HECW1: variants seen among roughly 807,000 people sequenced by gnomAD.
The protein encoded by HECW1 is HECT, C2 and WW domain containing E3 ubiquitin protein ligase 1.
A neutral mutation model predicts 182.3 loss-of-function variants in HECW1; 61 were observed. The observed-to-expected ratio is 0.33, with a 90% confidence interval of 0.27 to 0.41. The LOEUF is 0.41. HECW1 is among the 10% of genes least tolerant of loss of function. HECW1 has a pLI of 1.00. For synonymous variants in HECW1, 859 were observed against 832.6 expected, an observed-to-expected ratio of 1.03 and a Z score of -0.55; for missense variants, 1,739 against 2,108.9, an observed-to-expected ratio of 0.82 and a Z score of 3.44.
At chr7:43,464,988 G>C (rs575935902) in intron 14 of HECW1, among the ~76,000 whole-genome samples, 1 of 151,920 alleles carries the variant, frequency 6.6e-6, no homozygotes, top group Admixed American at 6.6e-5. Context: ...TTTTTGTAGA[G>C]ACAGAGTCTT....
At chr7:43,467,444 G>T (rs184726733) in intron 15 of HECW1, among the ~76,000 whole-genome samples, 311 of 152,246 alleles carry the variant, frequency 2.0e-3, no homozygotes, top group Non-Finnish European at 3.6e-3. Flanking sequence ...AGGGAGAGGG[G>T]AGGAGGGGCT....
At chr7:43,247,177 G>A (rs1390377082) in intron 3 of HECW1, among the ~76,000 whole-genome samples, 1 of 152,192 alleles carries the variant, frequency 6.6e-6, no homozygotes, top group Admixed American at 6.5e-5. Flanking sequence ...GCCAAGGTGT[G>A]ATCCTTTGGT....
intron 2 of HECW1, among the ~76,000 whole-genome samples, chr7:43,135,882 ATTAAG>A (rs755716556): frequency 9.2e-5 from 14 of 152,002 alleles, no homozygotes; most frequent in South Asian, 2.1e-4. Context: ...TAAAATCAAG[ATTAAG>A]TTATTTTTCA....
intron 2 of HECW1, among the ~76,000 whole-genome samples, chr7:43,122,815 A>G (rs1181147717): frequency 1.3e-5 from 2 of 152,346 alleles, no homozygotes; most frequent in East Asian, 3.9e-4. Flanking sequence ...CTATATATCT[A>G]TACACAAATA....
rs7798517 is a variant in HECW1, at chr7:43,115,443, A to G, written c.-32+1052A>G. Among the ~76,000 whole-genome samples the G allele has an allele frequency of 2.9e-3, 446 of 152,216 alleles. 2 individuals are homozygous for G. The highest frequency in any genetic ancestry group is 0.01 in the African/African-American group (433 of 41,516). ...CCCCATCTTAGATAATTGAGAATTCACTTTTTCCAATCATTGGTTTTTGTT... is the reference window on the plus strand; with the variant it reads ...CCCCATCTTAGATAATTGAGAATTCGCTTTTTCCAATCATTGGTTTTTGTT... On this transcript the variant is annotated intron_variant, in intron 2 of 29. Transcript: ENST00000395891.
At chr7:43,306,777 A>G (rs932966630) in intron 3 of HECW1, among the ~76,000 whole-genome samples, 2 of 152,018 alleles carry the variant, frequency 1.3e-5, no homozygotes, top group South Asian at 4.1e-4. Flanking sequence ...TTTTGTCTCC[A>G]GGTTCTTAAA....
chr7:43,234,536 C>G (rs1036579239), intron 2 of HECW1, among the ~76,000 whole-genome samples: 3 of 152,146 alleles, frequency 2.0e-5, no homozygotes, highest in Non-Finnish European at 4.4e-5. Context: ...AATATTCTTC[C>G]CTTGGGCAGG....
At chr7:43,368,367 A>G (rs1816903511) in intron 6 of HECW1, among the ~76,000 whole-genome samples, 1 of 152,198 alleles carries the variant, frequency 6.6e-6, no homozygotes, top group Non-Finnish European at 1.5e-5. Flanking sequence ...CAAGCCTTTT[A>G]TTTCTTGTAA....
At chr7:43,361,394 G>T (rs1815893611) in intron 6 of HECW1, among the ~76,000 whole-genome samples, 3 of 151,918 alleles carry the variant, frequency 2.0e-5, no homozygotes, top group Admixed American at 1.3e-4. Flanking sequence ...TAAATTAATG[G>T]AGTAGGATTT....
chr7:43,125,757 TAA>T (rs57874835), intron 2 of HECW1, among the ~76,000 whole-genome samples: 25 of 86,540 alleles, frequency 2.9e-4, no homozygotes, highest in Middle Eastern at 7.0e-3. Flanking sequence ...GATTCTGTCT[TAA>T]AAAAAAAAAA....
At chr7:43,215,775 A>T (rs1434935025) in intron 2 of HECW1, among the ~76,000 whole-genome samples, 3 of 152,234 alleles carry the variant, frequency 2.0e-5, no homozygotes, top group Non-Finnish European at 4.4e-5. Flanking sequence ...TATTTAAATC[A>T]GAGTCCCTGT....
At chr7:43,468,409 A>G (rs2077878236) in intron 15 of HECW1, among the ~76,000 whole-genome samples, 1 of 151,978 alleles carries the variant, frequency 6.6e-6, no homozygotes, top group South Asian at 2.1e-4. Context: ...CAGCGAGAAA[A>G]CCATGTGGAG....
At chr7:43,525,798 A>G (rs1376031937) in intron 24 of HECW1, among the ~76,000 whole-genome samples, 6 of 152,182 alleles carry the variant, frequency 3.9e-5, no homozygotes, top group African/African-American at 1.4e-4. Context: ...CAGGAAATGG[A>G]TCCTCCAGCC....
At chr7:43,487,322 T>A (rs1273906095) in intron 17 of HECW1, among the ~76,000 whole-genome samples, 1 of 152,256 alleles carries the variant, frequency 6.6e-6, no homozygotes, top group Non-Finnish European at 1.5e-5. Context: ...TTTCTGAGGA[T>A]ATCTATTTTG....
chr7:43,358,527 G>T (rs1165307277), intron 5 of HECW1, among the ~76,000 whole-genome samples: 2 of 152,146 alleles, frequency 1.3e-5, no homozygotes, highest in African/African-American at 4.8e-5. Flanking sequence ...GGACTGGTTA[G>T]CATCCAGGCA....
At chr7:43,236,972 C>T (rs1798405431) in intron 2 of HECW1, among the ~76,000 whole-genome samples, 1 of 151,296 alleles carries the variant, frequency 6.6e-6, no homozygotes, top group Non-Finnish European at 1.5e-5. Flanking sequence ...ATTTTCCTTT[C>T]ACAATAGTAA....
In HECW1 at chr7:43,552,344, G is replaced by T; in HGVS notation, c.4510+8G>T. ...ACACTGAGTACCGGGGAGGTGAGTG[G>T]GCAGGAGCTGTAATGATGCAATGAT... On this transcript the variant is annotated splice_region_variant and intron_variant, in intron 28 of 29. Coordinates refer to ENST00000395891, the MANE Select transcript of HECW1 (RefSeq NM_015052.5). 1 of 1,531,490 alleles carries T rather than the reference G, an allele frequency of 6.5e-7. No individual in the cohort carries two copies. Among genetic ancestry groups the T allele is most frequent in the East Asian group, 2.2e-5 (1 of 44,480 alleles). The allele number at this position is 1,531,490 out of a possible 1,614,324, so 94.9% of individuals were successfully genotyped here.
chr7:43,173,067 T>C (rs1583814004), intron 2 of HECW1, among the ~76,000 whole-genome samples: 1 of 152,166 alleles, frequency 6.6e-6, no homozygotes, highest in East Asian at 1.9e-4. Flanking sequence ...AAAGCTAAAG[T>C]TCCTCTGATT....
chr7:43,424,272 T>C (rs1407025190), intron 8 of HECW1, among the ~76,000 whole-genome samples: 1 of 152,150 alleles, frequency 6.6e-6, no homozygotes, highest in Non-Finnish European at 1.5e-5. Flanking sequence ...CCGTGTAGCT[T>C]TCTCAGCATT....
Sources: allele counts gnomAD v4.1 joint callset (sites outside exome capture counted in the v4.1 genomes callset), GRCh38; gene constraint gnomAD v4.1.1; transcripts MANE v1.5; gene names NCBI Gene and HGNC (gene_info 2026-07-23, HGNC 2026-07-21).